Variants in TMEM132C observed in about 807,000 individuals in gnomAD.
TMEM132C encodes protein phosphatase 1, regulatory subunit 152.
In TMEM132C, 29 loss-of-function variants were observed where a neutral mutation model predicts 61.4. The observed-to-expected ratio is 0.47, with a 90% CI of 0.35 to 0.64. The LOEUF is 0.64. TMEM132C is among the 30% of genes least tolerant of loss of function. TMEM132C has a pLI of 0.00. For synonymous variants in TMEM132C, 656 were observed against 633.1 expected (o/e 1.04, Z -0.54); for missense variants, 1,408 against 1,476.9 (o/e 0.95, Z 0.76).
intron 1 of TMEM132C, among the ~76,000 whole-genome samples, chr12:128,338,757 A>AATATAT (rs59699427): frequency 0.026 from 3,671 of 138,584 alleles, 157 homozygotes; most frequent in African/African-American, 0.037. Flanking sequence ...CTTCTGCAGA[A>AATATAT]ATATATATAT....
chr12:128,353,395 T>TGCGATCTGAGACTCCC (rs1217690547), intron 1 of TMEM132C, among the ~76,000 whole-genome samples: 9 of 152,130 alleles, frequency 5.9e-5, no homozygotes, highest in Non-Finnish European at 8.8e-5. Context: ...GTGCTAACGC[T>TGCGATCTGAGACTCCC]GCGATCTGAG....
chr12:128,350,529 C>T (rs1441975960), intron 1 of TMEM132C, among the ~76,000 whole-genome samples: 6 of 151,940 alleles, frequency 3.9e-5, no homozygotes, highest in Admixed American at 3.9e-4. Context: ...TGCAAAAGCC[C>T]AGAGTGGAAT....
chr12:128,611,274 G>A (rs1187497146), intron 3 of TMEM132C, among the ~76,000 whole-genome samples: 9 of 152,076 alleles, frequency 5.9e-5, no homozygotes, highest in Admixed American at 5.2e-4. Context: ...TTTTTGCCTT[G>A]GTTCAAACTG....
intron 4 of TMEM132C, among the ~76,000 whole-genome samples, chr12:128,633,864 G>C (rs1233019333): frequency 1.3e-5 from 2 of 152,092 alleles, no homozygotes; most frequent in Non-Finnish European, 2.9e-5. Flanking sequence ...AAAAATCATG[G>C]TTAATAATTA....
At chr12:128,416,323 A>G (rs1868781176) in intron 2 of TMEM132C, among the ~76,000 whole-genome samples, 1 of 152,222 alleles carries the variant, frequency 6.6e-6, no homozygotes. Flanking sequence ...AATTTGGTAC[A>G]GGAGCACATG....
At chr12:128,691,169 T>G (rs1246044511) in intron 5 of TMEM132C, among the ~76,000 whole-genome samples, 1 of 152,238 alleles carries the variant, frequency 6.6e-6, no homozygotes, top group Non-Finnish European at 1.5e-5. Context: ...TCCACTAAAC[T>G]GTATGTGTGT....
intron 1 of TMEM132C, among the ~76,000 whole-genome samples, chr12:128,272,416 GAA>G (rs1870553440): frequency 6.6e-6 from 1 of 152,118 alleles, no homozygotes; most frequent in Admixed American, 6.5e-5. Flanking sequence ...ATTTCATACT[GAA>G]AAGACCTTAA....
intron 2 of TMEM132C, among the ~76,000 whole-genome samples, chr12:128,500,388 A>T (rs1872128371): frequency 6.6e-6 from 1 of 152,190 alleles, no homozygotes; most frequent in Non-Finnish European, 1.5e-5. Flanking sequence ...CAAGAACCCT[A>T]TCAAGAAAGT....
intron 2 of TMEM132C, among the ~76,000 whole-genome samples, chr12:128,431,618 G>C (rs1447551087): frequency 2.1e-5 from 3 of 141,246 alleles, no homozygotes; most frequent in African/African-American, 5.4e-5. Context: ...GCAGTGGCAC[G>C]ATCTCGGCTC....
rs1315391965 is a variant in TMEM132C at position 128,705,961 on chromosome 12, T to C, written c.2993T>C (p.Ile998Thr). 5 of 1,551,402 alleles carry C rather than the reference T, an allele frequency of 3.2e-6. No homozygotes were observed. Among genetic ancestry groups the C allele is most frequent in the African/African-American group, 1.4e-5 (1 of 73,016 alleles). Residue 998 changes from isoleucine to threonine, a missense_variant, in exon 9 of 9, where the codon ATA becomes ACA. Coordinates refer to ENST00000435159, the MANE Select transcript of TMEM132C (RefSeq NM_001136103.3). Reference protein sequence around the residue: ...PPPQDEHTTIIDRGPGACEES... With the variant: ...PPPQDEHTTITDRGPGACEES... ...CCCCAGGACGAGCACACCACCATCATAGACCGCGGACCGGGGGCCTGCGAG... is the reference window on the plus strand; with the variant it reads ...CCCCAGGACGAGCACACCACCATCACAGACCGCGGACCGGGGGCCTGCGAG...
chr12:128,377,306 G>C (rs1354242918), intron 1 of TMEM132C, among the ~76,000 whole-genome samples: 1 of 152,172 alleles, frequency 6.6e-6, no homozygotes, highest in Non-Finnish European at 1.5e-5. Flanking sequence ...GCCTGCCTTG[G>C]CCTCCCAAAG....
chr12:128,385,609 T>C (rs1184699599), intron 1 of TMEM132C, among the ~76,000 whole-genome samples: 1 of 152,220 alleles, frequency 6.6e-6, no homozygotes, highest in Non-Finnish European at 1.5e-5. Context: ...ATGACTCTGC[T>C]TTATACAGGA....
intron 3 of TMEM132C, among the ~76,000 whole-genome samples, chr12:128,582,414 C>CT (rs36054458): frequency 0.096 from 12,756 of 132,434 alleles, 2,109 homozygotes; most frequent in African/African-American, 0.34. Flanking sequence ...ATAGATGCTG[C>CT]TTTTTTTTTT....
chr12:128,512,474 C>G (rs74992357), intron 2 of TMEM132C, among the ~76,000 whole-genome samples: 5,426 of 152,214 alleles, frequency 0.036, 310 homozygotes, highest in African/African-American at 0.12. Flanking sequence ...TAGTATTCCA[C>G]CGAGTAGAGC....
chr12:128,285,718 TC>T lies in TMEM132C; in HGVS notation c.85+18232del, dbSNP rs1271635914. ...ATCTCTATCCCTCTGTCCCTTTCTC[TC>T]TTTCTCTCTCTCTCTCTCCCCATCT... On this transcript the variant is annotated intron_variant, in intron 1 of 8. Coordinates refer to ENST00000435159, the MANE Select transcript of TMEM132C (RefSeq NM_001136103.3). Among the ~76,000 whole-genome samples the T allele has an allele frequency of 6.7e-4, 97 of 144,574 alleles. 3 individuals are homozygous for T. Among genetic ancestry groups the T allele is most frequent in the African/African-American group, 2.2e-3 (83 of 37,462 alleles). 94.8% of individuals were successfully genotyped at this position (144,574 alleles called of 152,430 possible). A position where few individuals can be genotyped will look rare whatever the true frequency, so the allele number is the denominator to read the frequency against.
chr12:128,650,449 C>T (rs563304240), intron 4 of TMEM132C, among the ~76,000 whole-genome samples: 1 of 152,064 alleles, frequency 6.6e-6, no homozygotes, highest in South Asian at 2.1e-4. Context: ...GGAAGCATGG[C>T]ATGGTGGCTC....
rs1294355152 is a variant in TMEM132C, at chr12:128,341,634, G to T, written c.86-73098G>T. Among the ~76,000 whole-genome samples the T allele has an allele frequency of 2.0e-5, 3 of 152,158 alleles. No individual in the cohort carries two copies. The East Asian group carries it at 5.8e-4, about 29-fold the overall frequency. On this transcript the variant is annotated intron_variant, in intron 1 of 8. Coordinates refer to ENST00000435159, the MANE Select transcript of TMEM132C (RefSeq NM_001136103.3). ...GGCATGAGTGTGCAGCTTTTAGACA[G>T]TGAACTTGAAAGGAATGAAGGTAGG... is the stretch of plus-strand genomic sequence containing the variant.
At chr12:128,418,324 C>A (rs1012340546) in intron 2 of TMEM132C, among the ~76,000 whole-genome samples, 1 of 152,162 alleles carries the variant, frequency 6.6e-6, no homozygotes, top group Non-Finnish European at 1.5e-5. Context: ...TGGAATTTCA[C>A]TGATTAAAAA....
At chr12:128,615,860 CT>C (rs1345866410) in intron 3 of TMEM132C, among the ~76,000 whole-genome samples, 1 of 152,192 alleles carries the variant, frequency 6.6e-6, no homozygotes, top group Non-Finnish European at 1.5e-5. Flanking sequence ...ACTAGTTTAG[CT>C]CATCATCTGC....
Sources: gnomAD v4.1 joint callset for allele counts (sites outside exome capture counted in the v4.1 genomes callset) on GRCh38, gnomAD v4.1.1 for gene constraint, MANE v1.5 for transcripts, NCBI Gene and HGNC (gene_info 2026-07-23, HGNC 2026-07-21) for gene names.